Variants in RERE observed in about 807,000 individuals in gnomAD.
RERE encodes arginine-glutamic acid dipeptide repeats.
Under a neutral mutation model 146.1 loss-of-function variants are expected in RERE, and 40 were observed. The ratio of observed to expected loss-of-function variants is 0.27; its 90% CI spans 0.21 to 0.36. The LOEUF is 0.36. Among genes scored for constraint, RERE ranks in the 10% least tolerant of loss-of-function variants. RERE has a pLI of 1.00. For synonymous variants in RERE, 1,003 were observed against 866.0 expected (o/e 1.16, Z -2.78); for missense variants, 1,933 against 2,138.7 (o/e 0.90, Z 1.90).
At chr1:8,809,970 G>A (rs1641772424) in intron 1 of RERE, among the ~76,000 whole-genome samples, 3 of 152,138 alleles carry the variant, frequency 2.0e-5, no homozygotes, top group African/African-American at 7.2e-5. Context: ...ACTGTGTCCT[G>A]AGCACAGTTT....
chr1:8,364,325 G>A lies in RERE; in HGVS notation c.1541-70C>T. 7.0e-7 allele frequency: 1 copy of A among 1,435,672 alleles called. No individual in the cohort carries two copies. The highest frequency in any genetic ancestry group is 9.8e-7 in the Non-Finnish European group (1 of 1,022,946). 88.9% of individuals were successfully genotyped at this position (1,435,672 alleles called of 1,614,324 possible). ...CTCCCTGGGGATGTCTGGGCAGAGGGGCCCTTCTGTGGGCTCTACCCAAAC... is the reference window on the plus strand; with the variant it reads ...CTCCCTGGGGATGTCTGGGCAGAGGAGCCCTTCTGTGGGCTCTACCCAAAC... On this transcript the variant is annotated intron_variant, in intron 14 of 22. Coordinates refer to ENST00000400908, the MANE Select transcript of RERE (RefSeq NM_001042681.2). The surrounding 1 kb of genome is among the most constrained non-coding windows in gnomAD (Gnocchi z 5.1).
intron 1 of RERE, among the ~76,000 whole-genome samples, chr1:8,716,442 C>T (rs921643415): frequency 6.6e-6 from 1 of 152,000 alleles, no homozygotes; most frequent in Non-Finnish European, 1.5e-5. Flanking sequence ...TGCACTCCAG[C>T]CTGGGCAACA....
chr1:8,660,313 C>T (rs938554427), intron 1 of RERE, among the ~76,000 whole-genome samples: 1 of 152,084 alleles, frequency 6.6e-6, no homozygotes, highest in African/African-American at 2.4e-5. Flanking sequence ...AAGAAAGGGA[C>T]CCAGAGAGGA....
intron 1 of RERE, among the ~76,000 whole-genome samples, chr1:8,707,261 A>C (rs967690107): frequency 6.6e-6 from 1 of 152,250 alleles, no homozygotes; most frequent in Non-Finnish European, 1.5e-5. Flanking sequence ...CTGACATCTG[A>C]CTTTATCCTA....
chr1:8,806,989 T>C (rs767482297), intron 1 of RERE: 1 of 152,218 alleles, frequency 6.6e-6, no homozygotes, highest in Admixed American at 6.5e-5. Flanking sequence ...GTTTTCCACA[T>C]GGCAAATCTT....
chr1:8,604,098 G>A (rs1489029013), intron 4 of RERE, among the ~76,000 whole-genome samples: 1 of 152,132 alleles, frequency 6.6e-6, no homozygotes, highest in Non-Finnish European at 1.5e-5. Flanking sequence ...AAGGAGTATG[G>A]ATTCCTGGGT....
At chr1:8,582,869 T>A (rs1337412825) in intron 4 of RERE, among the ~76,000 whole-genome samples, 1 of 152,178 alleles carries the variant, frequency 6.6e-6, no homozygotes, top group Non-Finnish European at 1.5e-5. Context: ...TGATTTAAGA[T>A]GATAGGACCA....
chr1:8,375,632 A>ACTCAGCAGCCACTGAAAATGCTTCCTCG (rs1642214737), intron 12 of RERE, among the ~76,000 whole-genome samples: 1 of 79,130 alleles, frequency 1.3e-5, no homozygotes, highest in African/African-American at 4.6e-5. Context: ...ATGCTTCCTC[A>ACTCAGCAGCCACTGAAAATGCTTCCTCG]CTCAGCAGCC....
chr1:8,714,175 C>T (rs1192822709), intron 1 of RERE, among the ~76,000 whole-genome samples: 1 of 152,150 alleles, frequency 6.6e-6, no homozygotes, highest in Non-Finnish European at 1.5e-5. Context: ...TTTATTTCTA[C>T]AATATCTCTA....
At chr1:8,573,954 T>C (rs1011668137) in intron 4 of RERE, among the ~76,000 whole-genome samples, 2 of 151,434 alleles carry the variant, frequency 1.3e-5, no homozygotes, top group Non-Finnish European at 3.0e-5. Flanking sequence ...TCCAAGCAAA[T>C]GCCACCACGC....
chr1:8,692,760 A>C (rs183604439), intron 1 of RERE, among the ~76,000 whole-genome samples: 28 of 152,296 alleles, frequency 1.8e-4, no homozygotes, highest in African/African-American at 6.3e-4. Flanking sequence ...CAGTTGATTA[A>C]ATCCGTGGAC....
At chr1:8,668,963 T>TGTGTGTGTGTGG (rs1553130735) in intron 1 of RERE, among the ~76,000 whole-genome samples, 5 of 42,384 alleles carry the variant, frequency 1.2e-4, no homozygotes, top group Non-Finnish European at 2.4e-4. Context: ...TGTGTGTGTG[T>TGTGTGTGTGTGG]TGTGTTTTTA....
rs58647657 is a variant in RERE at position 8,507,737 on chromosome 1, C to CTTTTTTTTTTTTTT, written c.879+876_879+889dup. On this transcript the variant is annotated intron_variant, in intron 8 of 22. Transcript: ENST00000400908. ...AAAAGAGGTTTTAAACATCTTTTAT[C>CTTTTTTTTTTTTTT]TTTTTTTTTTTTTTTTTTTGAGACA... is the stretch of plus-strand genomic sequence containing the variant. 2.7e-3 allele frequency among the ~76,000 whole-genome samples: 236 copies of CTTTTTTTTTTTTTT among 85,930 alleles called. 25 individuals are homozygous for CTTTTTTTTTTTTTT. Among genetic ancestry groups the CTTTTTTTTTTTTTT allele is most frequent in the Middle Eastern group, 0.01 (1 of 98 alleles). 56.4% of individuals were successfully genotyped at this position (85,930 alleles called of 152,430 possible).
At chr1:8,401,616 C>T (rs569922751) in intron 12 of RERE, among the ~76,000 whole-genome samples, 19 of 151,970 alleles carry the variant, frequency 1.3e-4, no homozygotes, top group Non-Finnish European at 2.2e-4. Context: ...AAATATTAGC[C>T]AGGCATGGCA....
intron 1 of RERE, among the ~76,000 whole-genome samples, chr1:8,669,181 C>CG (rs1638655519): frequency 6.7e-6 from 1 of 150,212 alleles, no homozygotes; most frequent in African/African-American, 2.5e-5. Context: ...CAAGCAATAC[C>CG]CCCCCCAACT....
intron 1 of RERE, among the ~76,000 whole-genome samples, chr1:8,677,351 G>A (rs771054738): frequency 2.0e-5 from 3 of 150,654 alleles, no homozygotes; most frequent in South Asian, 2.1e-4. Flanking sequence ...GCTTAAACCC[G>A]GGAGGCAGAG....
intron 4 of RERE, among the ~76,000 whole-genome samples, chr1:8,572,419 G>A (rs1482761102): frequency 6.6e-6 from 1 of 152,164 alleles, no homozygotes; most frequent in Non-Finnish European, 1.5e-5. Context: ...TCTATCTATT[G>A]CTAGAGAATA....
intron 1 of RERE, among the ~76,000 whole-genome samples, chr1:8,695,735 G>A (rs1017834878): frequency 1.3e-5 from 2 of 151,974 alleles, no homozygotes; most frequent in Admixed American, 6.6e-5. Context: ...ACTCCAGTCT[G>A]GGTAACAGGG....
chr1:8,740,815 T>A (rs1385347876), intron 1 of RERE, among the ~76,000 whole-genome samples: 2 of 152,180 alleles, frequency 1.3e-5, no homozygotes, highest in Non-Finnish European at 2.9e-5. Context: ...GGAGCTGTCA[T>A]CTCCTACAAT....
Sources: allele counts gnomAD v4.1 joint callset (sites outside exome capture counted in the v4.1 genomes callset), GRCh38; gene constraint gnomAD v4.1.1; non-coding constraint Gnocchi (gnomAD v3.1); transcripts MANE v1.5; gene names NCBI Gene and HGNC (gene_info 2026-07-23, HGNC 2026-07-21).